Variants in AGBL1 observed in about 807,000 individuals in gnomAD.
AGBL1 encodes the protein AGBL carboxypeptidase 1.
AGBL1 carries 130 observed loss-of-function variants against 118.9 expected under a neutral mutation model. The ratio of observed to expected loss-of-function variants is 1.09; its 90% CI spans 0.95 to 1.26. The LOEUF is 1.26. AGBL1 is among the 50% of genes most tolerant of loss of function. The pLI, the probability that AGBL1 is intolerant of heterozygous loss-of-function variation, is 0.00. For missense variants in AGBL1, 1,584 were observed against 1,298.1 expected (o/e 1.22, Z -3.38); for synonymous variants, 555 against 478.9 (o/e 1.16, Z -2.08).
chr15:86,557,346 G>T (rs568303969), intron 21 of AGBL1, among the ~76,000 whole-genome samples: 1 of 152,180 alleles, frequency 6.6e-6, no homozygotes, highest in African/African-American at 2.4e-5. Context: ...GGTCACACAC[G>T]TGGTGTGTTT....
At chr15:86,887,454 C>T (rs765137301) in intron 22 of AGBL1, among the ~76,000 whole-genome samples, 29 of 152,176 alleles carry the variant, frequency 1.9e-4, no homozygotes, top group Non-Finnish European at 3.5e-4. Flanking sequence ...CAGTTTATAC[C>T]TGCACCTCTA....
chr15:86,624,360 G>A (rs1314519441), intron 21 of AGBL1, among the ~76,000 whole-genome samples: 1 of 152,166 alleles, frequency 6.6e-6, no homozygotes, highest in Non-Finnish European at 1.5e-5. Flanking sequence ...AAGCTATTGG[G>A]CATGGAACAC....
intron 5 of AGBL1, among the ~76,000 whole-genome samples, chr15:86,200,952 GTCT>G (rs1322489060): frequency 6.6e-6 from 1 of 151,962 alleles, no homozygotes; most frequent in African/African-American, 2.4e-5. Context: ...AAATAAAATT[GTCT>G]TCTTATTCAA....
intron 22 of AGBL1, among the ~76,000 whole-genome samples, chr15:86,694,401 C>G (rs771690464): frequency 7.2e-5 from 11 of 151,754 alleles, no homozygotes; most frequent in Non-Finnish European, 1.5e-4. Flanking sequence ...CAGCTTGGTC[C>G]TTGTTGGTGT....
At chr15:86,936,276 GAGAA>G (rs998293339) in intron 23 of AGBL1, among the ~76,000 whole-genome samples, 9 of 152,040 alleles carry the variant, frequency 5.9e-5, no homozygotes, top group African/African-American at 9.7e-5. Context: ...GTGACAGAGA[GAGAA>G]AGAGAGAGAG....
chr15:86,720,606 A>G (rs1195538534), intron 22 of AGBL1, among the ~76,000 whole-genome samples: 1 of 152,188 alleles, frequency 6.6e-6, no homozygotes, highest in Non-Finnish European at 1.5e-5. Context: ...TATAGTGGGC[A>G]ACAGTTACCT....
At chr15:86,183,331 A>C (rs1265680351) in intron 5 of AGBL1, among the ~76,000 whole-genome samples, 1 of 152,202 alleles carries the variant, frequency 6.6e-6, no homozygotes, top group African/African-American at 2.4e-5. Context: ...AGAATCTTTA[A>C]ATGCCTTATG....
chr15:86,346,600 C>T (rs958745747), intron 17 of AGBL1, among the ~76,000 whole-genome samples: 9 of 152,218 alleles, frequency 5.9e-5, no homozygotes, highest in African/African-American at 1.4e-4. Context: ...CCTACCACCT[C>T]GGCCTCCCAA....
chr15:86,746,878 A>T (rs1418740032), intron 22 of AGBL1, among the ~76,000 whole-genome samples: 1 of 152,100 alleles, frequency 6.6e-6, no homozygotes, highest in East Asian at 1.9e-4. Context: ...CTATGTAAAC[A>T]TTACAAGAGA....
intron 1 of AGBL1, among the ~76,000 whole-genome samples, chr15:86,081,246 T>C (rs1257235594): frequency 6.6e-6 from 1 of 152,164 alleles, no homozygotes; most frequent in Non-Finnish European, 1.5e-5. Flanking sequence ...GGTTTCACCA[T>C]GTCGGCCAGA....
intron 17 of AGBL1, chr15:86,296,326 T>C (rs1235612404): frequency 6.6e-6 from 1 of 152,226 alleles, no homozygotes; most frequent in Admixed American, 6.5e-5. Context: ...CCAGCTTAAT[T>C]TATCCCCAGA....
chr15:86,922,937 G>T (rs1263868696), intron 23 of AGBL1, among the ~76,000 whole-genome samples: 1 of 152,174 alleles, frequency 6.6e-6, no homozygotes, highest in Admixed American at 6.5e-5. Context: ...TGTGGTAGAA[G>T]GGCATGATGA....
intron 17 of AGBL1, among the ~76,000 whole-genome samples, chr15:86,340,655 A>G (rs1176418197): frequency 1.3e-5 from 2 of 152,176 alleles, no homozygotes; most frequent in Non-Finnish European, 2.9e-5. Context: ...GAATAACTTA[A>G]TGTTGAGGTA....
intron 23 of AGBL1, among the ~76,000 whole-genome samples, chr15:86,938,560 C>G (rs1302117917): frequency 6.6e-6 from 1 of 152,170 alleles, no homozygotes; most frequent in Non-Finnish European, 1.5e-5. Context: ...GCTGTTCCAT[C>G]TGCTTGGAGG....
chr15:86,155,333 C>T (rs756033092), intron 4 of AGBL1, among the ~76,000 whole-genome samples: 6 of 152,122 alleles, frequency 3.9e-5, no homozygotes, highest in Non-Finnish European at 2.9e-5. Context: ...GCCTATAGTC[C>T]CAGCTACTTG....
At chr15:86,473,374 C>CT (rs1017155796) in intron 18 of AGBL1, among the ~76,000 whole-genome samples, 1 of 152,056 alleles carries the variant, frequency 6.6e-6, no homozygotes, top group Non-Finnish European at 1.5e-5. Context: ...CTCTATTGAT[C>CT]TTTTTTTATC....
chr15:86,746,165 T>C (rs1466249693), intron 22 of AGBL1, among the ~76,000 whole-genome samples: 1 of 152,118 alleles, frequency 6.6e-6, no homozygotes, highest in Non-Finnish European at 1.5e-5. Context: ...ACAACACACC[T>C]GGTTATGTTT....
intron 21 of AGBL1, among the ~76,000 whole-genome samples, chr15:86,659,980 C>A (rs1247823311): frequency 2.0e-5 from 3 of 151,936 alleles, no homozygotes; most frequent in African/African-American, 7.3e-5. Flanking sequence ...ACTTTGGGGG[C>A]CTCCCAACAC....
intron 18 of AGBL1, among the ~76,000 whole-genome samples, chr15:86,451,115 G>T (rs1410155825): frequency 6.6e-6 from 1 of 152,152 alleles, no homozygotes; most frequent in Admixed American, 6.5e-5. Context: ...ACTCATTACA[G>T]AACATTTTTG....
Sources: allele counts gnomAD v4.1 joint callset (sites outside exome capture counted in the v4.1 genomes callset), GRCh38; gene constraint gnomAD v4.1.1; transcripts MANE v1.5; gene names NCBI Gene and HGNC (gene_info 2026-07-23, HGNC 2026-07-21).